PNPLA7: variants seen among roughly 807,000 people sequenced by gnomAD.
The protein encoded by PNPLA7 is patatin like domain 7, lysophospholipase.
Under a neutral mutation model 161.7 loss-of-function variants are expected in PNPLA7, and 153 were observed. The observed-to-expected ratio is 0.95, with a 90% CI of 0.83 to 1.08. The LOEUF (loss-of-function observed/expected upper bound fraction) is 1.08, where lower values mean the gene tolerates loss of function less well. PNPLA7 is among the 50% of genes least tolerant of loss of function. The probability of loss-of-function intolerance (pLI) is 0.00; values close to 1 mark genes in which losing one functional copy is unlikely to be tolerated. For missense variants in PNPLA7, 1,739 were observed against 1,856.6 expected (o/e 0.94, Z 1.16); for synonymous variants, 809 against 782.1 (o/e 1.03, Z -0.57).
chr9:137,492,927 G>A (rs1832849776), intron 20 of PNPLA7, 86 bp downstream of exon 20: 8 of 1,175,308 alleles, frequency 6.8e-6, no homozygotes, highest in Non-Finnish European at 8.4e-6. Context: ...CATGGGCTGG[G>A]AGGGCGGGGC....
chr9:137,537,998 ACAGGTGCCCCTTACACATC>A lies in PNPLA7; in HGVS notation c.747+2625_747+2643del, dbSNP rs1004498345. Among the ~76,000 whole-genome samples the A allele has an allele frequency of 4.6e-5, 7 of 152,106 alleles. No homozygotes were observed. Among genetic ancestry groups the A allele is most frequent in the African/African-American group, 1.7e-4 (7 of 41,396 alleles). On this transcript the variant is annotated intron_variant, in intron 8 of 34. Transcript: ENST00000406427. The surrounding 1 kb of genome is among the most constrained non-coding windows in gnomAD (Gnocchi z 4.5). ...TCCTTTCCCAGTTTTTCTCAGGCCC[ACAGGTGCCCCTTACACATC>A]CAGGAGTCCCTGAGAAGCCCACCTC... is the stretch of plus-strand genomic sequence containing the variant.
At chr9:137,548,446 C>T (rs924971666) in intron 1 of PNPLA7, among the ~76,000 whole-genome samples, 9 of 152,202 alleles carry the variant, frequency 5.9e-5, no homozygotes, top group Non-Finnish European at 1.3e-4. Context: ...GACTCCCATC[C>T]GTGCCAGAAA....
rs1831112517 is a variant in PNPLA7, at chr9:137,460,342, T to TGG, written c.*49_*50dup. 1 of 1,556,860 alleles carries TGG rather than the reference T, an allele frequency of 6.4e-7. No individual in the cohort carries two copies. On this transcript the variant is annotated 3_prime_UTR_variant, in exon 35 of 35. Transcript: ENST00000406427. ...TAGGACTTGGCAGGAGCCTCAGCCT[T>TGG]GGGGACAGTCCCACGGAAGACGCTG...
chr9:137,517,537 C>G (rs1486278951), intron 11 of PNPLA7, among the ~76,000 whole-genome samples: 3 of 96,632 alleles, frequency 3.1e-5, no homozygotes, highest in Non-Finnish European at 6.8e-5. Context: ...CTGTCCACTC[C>G]ATCCCACACT....
At position 137,513,277 on chromosome 9, in the gene PNPLA7, G is replaced by A. The variant is rs1225834086; in HGVS notation, c.1225+2102C>T. ...AGGCTGAGGTGGGCGGATCACCTGAGGTTGGGAGTTTGAGACCAGCCTGGC... is the reference window on the plus strand; with the variant it reads ...AGGCTGAGGTGGGCGGATCACCTGAAGTTGGGAGTTTGAGACCAGCCTGGC... On this transcript the variant is annotated intron_variant, in intron 12 of 34. Coordinates refer to ENST00000406427, the MANE Select transcript of PNPLA7 (RefSeq NM_001098537.3). Among the ~76,000 whole-genome samples the A allele has an allele frequency of 2.6e-5, 4 of 152,114 alleles. No individual in the cohort carries two copies. The East Asian group carries it at 7.7e-4, about 29-fold the overall frequency.
Position 137,529,682 on chromosome 9 carries a change from G to T in PNPLA7, c.748-6825C>A, listed in dbSNP as rs559083665. ...TTTTTTTTTTTTTTTTTTTGAGACG[G>T]AGTTTCACTCTACCACCCAGGCTGG... On this transcript the variant is annotated intron_variant, in intron 8 of 34. Coordinates refer to ENST00000406427, the MANE Select transcript of PNPLA7 (RefSeq NM_001098537.3). 2.2e-4 allele frequency among the ~76,000 whole-genome samples: 33 copies of T among 147,614 alleles called. No homozygotes were observed. The South Asian group carries it at 6.9e-3, about 31-fold the overall frequency.
rs1273926639 is a variant in PNPLA7, at chr9:137,501,819, G to A, written c.1474-92C>T. ...CTGCACTGGGCTGTTCAGGGGCAACGAGCGGTGAGGCCAGAGGCCGGGCAA... is the reference window on the plus strand; with the variant it reads ...CTGCACTGGGCTGTTCAGGGGCAACAAGCGGTGAGGCCAGAGGCCGGGCAA... On this transcript the variant is annotated intron_variant, in intron 14 of 34. Transcript: ENST00000406427. The A allele has an allele frequency of 1.4e-5, 19 of 1,313,922 alleles. 1 individual carries two copies. In the East Asian group the frequency reaches 1.5e-4, roughly 10 times the overall value. The allele number at this position is 1,313,922 out of a possible 1,614,324, so 81.4% of individuals were successfully genotyped here. A position where few individuals can be genotyped will look rare whatever the true frequency, so the allele number is the denominator to read the frequency against.
In PNPLA7 at chr9:137,478,115, T is replaced by G; in HGVS notation, c.2801A>C (p.Asp934Ala). ...MYKHVFQRPP[D>A]RHSDFSRLAR... Reference sequence around the variant, plus strand: ...CAGGCGGGAGAAGTCTGAGTGTCGGTCCGGGGGCCGCTGGAAGACATGCTT... The same window carrying G: ...CAGGCGGGAGAAGTCTGAGTGTCGGGCCGGGGGCCGCTGGAAGACATGCTT... Residue 934 changes from aspartate (D) to alanine (A), a missense_variant, in exon 25 of 35, where the codon GAC (aspartate) becomes GCC (alanine). Physicochemically the swap from Asp to Ala is moderately radical, Grantham distance 126. Around this residue, in one of 6 missense-constraint regions of PNPLA7, gnomAD observed 703 missense variants for 694.6 expected, o/e 1.01. Transcript: ENST00000406427. 2.2e-6 allele frequency: 3 copies of G among 1,352,068 alleles called. No individual in the cohort carries two copies. Among genetic ancestry groups the G allele is most frequent in the Non-Finnish European group, 2.9e-6 (3 of 1,044,814 alleles). The allele number at this position is 1,352,068 out of a possible 1,614,324, so 83.8% of individuals were successfully genotyped here.
chr9:137,480,856 G>T, intron 22 of PNPLA7, 104 bp downstream of exon 22: 1 of 1,226,370 alleles, frequency 8.2e-7, no homozygotes, highest in Non-Finnish European at 1.2e-6. Flanking sequence ...TGCTGGACGA[G>T]GAGCACGCTG....
Position 137,521,623 on chromosome 9 carries a change from G to T in PNPLA7, c.957+13C>A, listed in dbSNP as rs372041229. ...GGAGCAGCATGGGGCTTTGTGAGGT[G>T]GTTTTCACTTACAGCGTTGAAGAGC... On this transcript the variant is annotated intron_variant, in intron 10 of 34. Transcript: ENST00000406427. The T allele has an allele frequency of 6.2e-7, 1 of 1,611,726 alleles. No homozygotes were observed. Among genetic ancestry groups the T allele is most frequent in the African/African-American group, 1.3e-5 (1 of 74,990 alleles).
chr9:137,461,340 G>T, intron 33 of PNPLA7, 196 bp downstream of exon 33: 1 of 561,004 alleles, frequency 1.8e-6, no homozygotes, highest in South Asian at 2.5e-5. Flanking sequence ...ACCCGGGGTG[G>T]TCACAGTCCC....
At chr9:137,495,695 G>A (rs889799368) in intron 18 of PNPLA7, among the ~76,000 whole-genome samples, 7 of 152,126 alleles carry the variant, frequency 4.6e-5, no homozygotes, top group African/African-American at 1.4e-4. Flanking sequence ...CCGCCGCCTC[G>A]GCCTCCCAAA....
rs1835935196 is a variant in PNPLA7, at chr9:137,537,073, G to A, written c.747+3569C>T. Among the ~76,000 whole-genome samples, 2 of 152,202 alleles carry A rather than the reference G, an allele frequency of 1.3e-5. No individual in the cohort carries two copies. The highest frequency in any genetic ancestry group is 2.9e-5 in the Non-Finnish European group (2 of 68,040). On this transcript the variant is annotated intron_variant, in intron 8 of 34. Transcript: ENST00000406427. The surrounding 1 kb of genome is among the most constrained non-coding windows in gnomAD (Gnocchi z 4.5). ...CCACAACAGGAAGTCAGTGTGTCTA[G>A]AATGGATGGGTTAGGAAACAGCAAG...
At chr9:137,509,145 ATGAG>A (rs1834067840) in intron 12 of PNPLA7, 1 of 154,994 alleles carries the variant, frequency 6.5e-6, no homozygotes, top group African/African-American at 2.4e-5. Flanking sequence ...TTTAGCTGGC[ATGAG>A]TGAGTTTAGC....
At chr9:137,532,866 G>A (rs1344176646) in intron 8 of PNPLA7, among the ~76,000 whole-genome samples, 2 of 152,160 alleles carry the variant, frequency 1.3e-5, no homozygotes, top group Non-Finnish European at 1.5e-5. Context: ...CATCAGGTGT[G>A]GCTACGAATC....
At chr9:137,542,363 C>T (rs1836250603) in intron 7 of PNPLA7, among the ~76,000 whole-genome samples, 1 of 152,146 alleles carries the variant, frequency 6.6e-6, no homozygotes, top group African/African-American at 2.4e-5. Context: ...CCCAGCTACT[C>T]GAGAGGCTGA....
chr9:137,531,443 G>C (rs1835576543), intron 8 of PNPLA7, among the ~76,000 whole-genome samples: 1 of 152,230 alleles, frequency 6.6e-6, no homozygotes, highest in Non-Finnish European at 1.5e-5. Flanking sequence ...GAAAACCACA[G>C]GGAGAGGCTG....
At chr9:137,481,186 G>A (rs902838089) in intron 21 of PNPLA7, among the ~76,000 whole-genome samples, 163 bp from the exon 22 acceptor site, 3 of 152,154 alleles carry the variant, frequency 2.0e-5, no homozygotes, top group African/African-American at 4.8e-5. Context: ...CAACCCCAAG[G>A]TCTGCTCCCC....
Position 137,550,240 on chromosome 9 carries a change from C to T in PNPLA7, c.-43G>A. 1 of 1,612,406 alleles carries T rather than the reference C, an allele frequency of 6.2e-7. No homozygotes were observed. The highest frequency in any genetic ancestry group is 2.2e-5 in the East Asian group (1 of 44,882). On this transcript the variant is annotated 5_prime_UTR_variant, in exon 1 of 35. Coordinates refer to ENST00000406427, the MANE Select transcript of PNPLA7 (RefSeq NM_001098537.3). ...ACAGTCAGGGGCGAAAAGCAGACAGCCTGAAGCAAACAAGGGCACACCTCT... is the reference window on the plus strand; with the variant it reads ...ACAGTCAGGGGCGAAAAGCAGACAGTCTGAAGCAAACAAGGGCACACCTCT...
Sources: allele counts gnomAD v4.1 joint callset (sites outside exome capture counted in the v4.1 genomes callset), GRCh38; gene constraint gnomAD v4.1.1; regional missense constraint gnomAD v4.1.1; non-coding constraint Gnocchi (gnomAD v3.1); transcripts MANE v1.5; gene names NCBI Gene and HGNC (gene_info 2026-07-23, HGNC 2026-07-21).